CMIP: variants seen among roughly 807,000 people sequenced by gnomAD.
CMIP encodes the protein C-Maf-inducing protein.
Under a neutral mutation model 97.3 loss-of-function variants are expected in CMIP, and 13 were observed. The ratio of observed to expected loss-of-function variants is 0.13; its 90% CI spans 0.09 to 0.21. The LOEUF (loss-of-function observed/expected upper bound fraction) is 0.21, where lower values mean the gene tolerates loss of function less well. Among genes scored for constraint, CMIP ranks in the 10% least tolerant of loss-of-function variants. CMIP has a pLI of 1.00. For synonymous variants in CMIP, 538 were observed against 436.3 expected (o/e 1.23, Z -2.91); for missense variants, 847 against 1,024.9 (o/e 0.83, Z 2.37).
chr16:81,561,600 C>A (rs945035899), intron 1 of CMIP, among the ~76,000 whole-genome samples: 3 of 152,096 alleles, frequency 2.0e-5, no homozygotes, highest in African/African-American at 7.2e-5. Flanking sequence ...TTACAGAGGG[C>A]CTCGCAGACA....
intron 1 of CMIP, among the ~76,000 whole-genome samples, chr16:81,473,811 G>GTTTTTTT (rs5818337): frequency 1.9e-4 from 24 of 127,100 alleles, no homozygotes; most frequent in Non-Finnish European, 1.8e-4. Flanking sequence ...CCACACAGTG[G>GTTTTTTT]TTTTTTTTTT....
At chr16:81,504,010 A>C (rs1171659486) in intron 1 of CMIP, among the ~76,000 whole-genome samples, 1 of 152,218 alleles carries the variant, frequency 6.6e-6, no homozygotes, top group African/African-American at 2.4e-5. Flanking sequence ...GGGAAGGTTC[A>C]GTTATTTCAC....
Position 81,620,868 on chromosome 16 carries a change from C to A in CMIP, c.427-8C>A. The A allele has an allele frequency of 6.2e-7, 1 of 1,613,932 alleles. No homozygotes were observed. The highest frequency in any genetic ancestry group is 1.1e-5 in the South Asian group (1 of 91,074). ...CCGGACCTTGCTGTCCTGTTCTTGTCGTTACAGGCTGCCAATAGCTACCTG... is the reference window on the plus strand; with the variant it reads ...CCGGACCTTGCTGTCCTGTTCTTGTAGTTACAGGCTGCCAATAGCTACCTG... On this transcript the variant is annotated splice_polypyrimidine_tract_variant and splice_region_variant and intron_variant, in intron 2 of 20. Coordinates refer to ENST00000537098, the MANE Select transcript of CMIP (RefSeq NM_198390.3).
At chr16:81,542,887 A>C (rs2090474837) in intron 1 of CMIP, among the ~76,000 whole-genome samples, 1 of 152,174 alleles carries the variant, frequency 6.6e-6, no homozygotes, top group Non-Finnish European at 1.5e-5. Flanking sequence ...CAAACATACA[A>C]TCCATAGCAC....
At chr16:81,704,909 T>C (rs1432948770) in intron 18 of CMIP, among the ~76,000 whole-genome samples, 1 of 151,430 alleles carries the variant, frequency 6.6e-6, no homozygotes, top group Non-Finnish European at 1.5e-5. Flanking sequence ...TTCTGAGAGG[T>C]AGAGCTGAGA....
chr16:81,593,203 C>G (rs1385210647), intron 1 of CMIP, among the ~76,000 whole-genome samples: 1 of 152,224 alleles, frequency 6.6e-6, no homozygotes, highest in East Asian at 1.9e-4. Flanking sequence ...CAGCTCTGCC[C>G]TCCCAGCCCA....
chr16:81,465,302 T>C (rs1907135527), intron 1 of CMIP, among the ~76,000 whole-genome samples: 1 of 152,226 alleles, frequency 6.6e-6, no homozygotes, highest in African/African-American at 2.4e-5. Flanking sequence ...TTTGGTGTTG[T>C]GGGCTGGATC....
chr16:81,480,955 T>C (rs1462161352), intron 1 of CMIP, among the ~76,000 whole-genome samples: 2 of 152,124 alleles, frequency 1.3e-5, no homozygotes, highest in African/African-American at 4.8e-5. Flanking sequence ...GAATGCAGTG[T>C]TTTCACGGGA....
At chr16:81,699,149 G>C (rs1907098532) in intron 14 of CMIP, among the ~76,000 whole-genome samples, 1 of 152,170 alleles carries the variant, frequency 6.6e-6, no homozygotes, top group Non-Finnish European at 1.5e-5. Flanking sequence ...GCTTACTAGG[G>C]AGGCTGAGGT....
intron 1 of CMIP, among the ~76,000 whole-genome samples, chr16:81,450,450 C>A (rs1906137905): frequency 6.6e-6 from 1 of 152,166 alleles, no homozygotes; most frequent in East Asian, 1.9e-4. Context: ...TTAGGGAGAG[C>A]ACCTCATGTC....
chr16:81,703,608 C>A (rs1259342459), intron 17 of CMIP, among the ~76,000 whole-genome samples: 1 of 132,780 alleles, frequency 7.5e-6, no homozygotes, highest in Non-Finnish European at 1.8e-5. Flanking sequence ...CAGGCACACA[C>A]ACACAGACAC....
At chr16:81,519,124 T>G (rs562807374) in intron 1 of CMIP, 1 of 152,346 alleles carries the variant, frequency 6.6e-6, no homozygotes, top group East Asian at 1.9e-4. Flanking sequence ...TGAGCCACTG[T>G]ACCCGGCCTC....
intron 1 of CMIP, among the ~76,000 whole-genome samples, chr16:81,541,049 G>A (rs1026339969): frequency 1.3e-5 from 2 of 150,494 alleles, no homozygotes; most frequent in African/African-American, 4.9e-5. Context: ...GAACCCCTCT[G>A]TTAAGTCTTG....
chr16:81,462,936 A>T (rs1050093391), intron 1 of CMIP, among the ~76,000 whole-genome samples: 1 of 152,202 alleles, frequency 6.6e-6, no homozygotes, highest in Non-Finnish European at 1.5e-5. Context: ...CGATTAAAGA[A>T]TACTAAGCAT....
chr16:81,615,529 T>G (rs2091904172), intron 2 of CMIP, among the ~76,000 whole-genome samples: 1 of 142,616 alleles, frequency 7.0e-6, no homozygotes, highest in African/African-American at 2.6e-5. Flanking sequence ...GTATGTGTTT[T>G]TGTGTGTGGT....
At chr16:81,460,548 G>T (rs1420133881) in intron 1 of CMIP, among the ~76,000 whole-genome samples, 1 of 152,180 alleles carries the variant, frequency 6.6e-6, no homozygotes, top group Non-Finnish European at 1.5e-5. Context: ...GGCACACTTG[G>T]ACGGCTGGTC....
At chr16:81,475,676 G>A (rs919120891) in intron 1 of CMIP, among the ~76,000 whole-genome samples, 6 of 152,076 alleles carry the variant, frequency 3.9e-5, no homozygotes, top group Non-Finnish European at 7.4e-5. Context: ...CAGAAGGAAC[G>A]GTCTGATGGT....
At chr16:81,709,679 C>T (rs1035617428) in intron 20 of CMIP, 67 bp from the exon 21 acceptor site, 13 of 1,574,638 alleles carry the variant, frequency 8.3e-6, no homozygotes, top group South Asian at 6.7e-5. Context: ...GCGGGTGGAG[C>T]CAGGCACTGG....
intron 3 of CMIP, among the ~76,000 whole-genome samples, chr16:81,647,943 C>T (rs1567632440): frequency 9.9e-6 from 1 of 101,216 alleles, no homozygotes. Flanking sequence ...GTAGCCCACC[C>T]TCCCCCCGCA....
Sources: allele counts gnomAD v4.1 joint callset (sites outside exome capture counted in the v4.1 genomes callset), GRCh38; gene constraint gnomAD v4.1.1; transcripts MANE v1.5; gene names NCBI Gene and HGNC (gene_info 2026-07-23, HGNC 2026-07-21).